Variants in S100Z observed in about 807,000 individuals in gnomAD.
S100Z encodes S100 calcium binding protein Z, also known as protein S100-Z.
S100Z carries 11 observed loss-of-function variants against 8.5 expected under a neutral mutation model. That is an observed-to-expected ratio of 1.30 (90% confidence interval 0.82 to 2.15). S100Z has a LOEUF of 2.15. Ranked by LOEUF, S100Z falls within the 30% of genes most tolerant of loss-of-function variation. The pLI, the probability that S100Z is intolerant of heterozygous loss-of-function variation, is 0.00. For missense variants in S100Z, 126 were observed against 117.9 expected (o/e 1.07, Z -0.32); for synonymous variants, 34 against 43.8 (o/e 0.78, Z 0.89).
At chr5:76,948,571 T>C in the S100Z span, among the ~76,000 whole-genome samples, 63 of 152,232 alleles carry the variant, frequency 4.1e-4, no homozygotes, top group Non-Finnish European at 7.2e-4. Flanking sequence ...AACCAGTATA[T>C]GAAAAGATGC....
chr5:76,894,579 T>C (rs1229309127), intron 4 of S100Z, among the ~76,000 whole-genome samples: 4 of 151,454 alleles, frequency 2.6e-5, no homozygotes, highest in African/African-American at 9.8e-5. Context: ...GATGGTGACA[T>C]TGTCGGTGAT....
chr5:76,868,816 G>C (rs1172124677), intron 1 of S100Z, among the ~76,000 whole-genome samples: 1 of 151,856 alleles, frequency 6.6e-6, no homozygotes, highest in Non-Finnish European at 1.5e-5. Context: ...TAGAGACGGG[G>C]TTTCACCGTT....
chr5:76,877,695 G>A lies in S100Z; in HGVS notation c.163G>A (p.Val55Ile). The A allele has an allele frequency of 6.2e-7, 1 of 1,608,940 alleles. No individual in the cohort carries two copies. Among genetic ancestry groups the A allele is most frequent in the Non-Finnish European group, 8.5e-7 (1 of 1,176,452 alleles). The change falls in exon 4 of 5, where the codon GTT (valine) becomes ATT (isoleucine). Residue 55 changes from valine (V) to isoleucine (I), a missense_variant. Val to Ile is a conservative substitution (Grantham distance 29). Coordinates refer to ENST00000317593, the MANE Select transcript of S100Z (RefSeq NM_130772.4). ...TTAGTGCCAAAAGGAAACCCAGTTG[G>A]TTGATAAGATAGTGCAGGACCTGGA... The part of the protein sequence containing the change: ...FLSCQKETQL[V>I]DKIVQDLDAN...
At chr5:76,868,467 A>G (rs574578022) in intron 1 of S100Z, among the ~76,000 whole-genome samples, 4 of 152,180 alleles carry the variant, frequency 2.6e-5, no homozygotes, top group Admixed American at 2.6e-4. Context: ...TTACCTGCCA[A>G]CTGAGTTCTC....
At chr5:76,869,260 T>C (rs138178133) in intron 1 of S100Z, among the ~76,000 whole-genome samples, 21 of 150,404 alleles carry the variant, frequency 1.4e-4, no homozygotes, top group Non-Finnish European at 2.2e-4. Flanking sequence ...AAAAACGTGA[T>C]GTTGGGAATG....
rs1014209885 is a variant in S100Z at position 76,875,639 on chromosome 5, G to A, written c.141+139G>A. 4 of 737,958 alleles carry A rather than the reference G, an allele frequency of 5.4e-6. No homozygotes were observed. The Admixed American group carries it at 1.2e-4, about 22-fold the overall frequency. The allele number at this position is 737,958 out of a possible 1,614,324, so 45.7% of individuals were successfully genotyped here. On this transcript the variant is annotated intron_variant, in intron 3 of 4. Transcript: ENST00000317593. ...TTGTACAGAGATTCAAAATATAGGG[G>A]AAGCAAACACTGGAGACGTTTGTTT...
chr5:76,855,619 C>A (rs1165810812), intron 1 of S100Z, among the ~76,000 whole-genome samples: 1 of 152,220 alleles, frequency 6.6e-6, no homozygotes, highest in African/African-American at 2.4e-5. Flanking sequence ...TCTATACCCC[C>A]AGTTGTATCT....
At chr5:76,882,299 G>C (rs1743428955) in intron 4 of S100Z, among the ~76,000 whole-genome samples, 1 of 152,192 alleles carries the variant, frequency 6.6e-6, no homozygotes. Flanking sequence ...AGGTCAAGTT[G>C]TTTGGATAAA....
chr5:76,867,586 T>A (rs1228556172), intron 1 of S100Z, among the ~76,000 whole-genome samples: 8 of 95,508 alleles, frequency 8.4e-5, no homozygotes, highest in South Asian at 4.9e-4. Context: ...CATCCTTACT[T>A]TTTTTTTTTC....
chr5:76,908,444 G>A (rs1451637993), intron 4 of S100Z, among the ~76,000 whole-genome samples: 2 of 152,086 alleles, frequency 1.3e-5, no homozygotes, highest in East Asian at 1.9e-4. Context: ...GGCTAGTCAC[G>A]CTTCTAAAAA....
At chr5:76,877,344 A>G (rs1469752589) in intron 3 of S100Z, among the ~76,000 whole-genome samples, 2 of 152,078 alleles carry the variant, frequency 1.3e-5, no homozygotes, top group Non-Finnish European at 2.9e-5. Context: ...CCCTCTTTCT[A>G]TGTCACTCGA....
At chr5:76,942,438 A>AAAAAAAAAAAC in the S100Z span, among the ~76,000 whole-genome samples, 1 of 151,760 alleles carries the variant, frequency 6.6e-6, no homozygotes, top group Non-Finnish European at 1.5e-5. Context: ...TTGGCCAAAA[A>AAAAAAAAAAAC]AAAAAGCAAA....
intron 4 of S100Z, among the ~76,000 whole-genome samples, chr5:76,908,047 C>A (rs1174028428): frequency 6.6e-6 from 1 of 152,100 alleles, no homozygotes; most frequent in Non-Finnish European, 1.5e-5. Flanking sequence ...GGGAAGACTA[C>A]CTGACCCTGG....
the S100Z span, among the ~76,000 whole-genome samples, chr5:76,943,094 T>G: frequency 6.6e-6 from 1 of 151,934 alleles, no homozygotes; most frequent in African/African-American, 2.4e-5. Flanking sequence ...TGTGCCACAG[T>G]GGGGGGGTTC....
chr5:76,941,206 G>T, the S100Z span, among the ~76,000 whole-genome samples: 3 of 152,236 alleles, frequency 2.0e-5, no homozygotes, highest in Admixed American at 2.0e-4. Flanking sequence ...GTGAATTGGG[G>T]CGCCAAGATT....
chr5:76,857,847 T>C (rs1750929602), intron 1 of S100Z, among the ~76,000 whole-genome samples: 1 of 152,156 alleles, frequency 6.6e-6, no homozygotes, highest in Admixed American at 6.6e-5. Context: ...ACAAGAAATT[T>C]CTTACCCAAG....
chr5:76,885,045 G>C (rs1743551546), intron 4 of S100Z, among the ~76,000 whole-genome samples: 1 of 152,186 alleles, frequency 6.6e-6, no homozygotes, highest in Non-Finnish European at 1.5e-5. Flanking sequence ...AGATCTCATA[G>C]GATGGAGAAA....
intron 4 of S100Z, among the ~76,000 whole-genome samples, chr5:76,903,150 G>A (rs1044332319): frequency 6.6e-6 from 1 of 152,210 alleles, no homozygotes; most frequent in Non-Finnish European, 1.5e-5. Context: ...TCATGCCACT[G>A]CACTCCAGCC....
At chr5:76,905,248 C>CT (rs1346551491) in intron 4 of S100Z, among the ~76,000 whole-genome samples, 2 of 152,124 alleles carry the variant, frequency 1.3e-5, no homozygotes, top group African/African-American at 4.8e-5. Context: ...GTTACCCAGG[C>CT]TGGCTTCAAA....
Sources: gnomAD v4.1 joint callset for allele counts (sites outside exome capture counted in the v4.1 genomes callset) on GRCh38, gnomAD v4.1.1 for gene constraint, MANE v1.5 for transcripts, NCBI Gene and HGNC (gene_info 2026-07-23, HGNC 2026-07-21) for gene names.